Variants in VMP1 observed in about 807,000 individuals in gnomAD.
The protein encoded by VMP1 is vacuole membrane protein 1.
A neutral mutation model predicts 56.0 loss-of-function variants in VMP1; 11 were observed. The observed-to-expected ratio is 0.20, with a 90% CI of 0.12 to 0.32. The LOEUF (loss-of-function observed/expected upper bound fraction) is 0.32. Among genes scored for constraint, VMP1 ranks in the 10% least tolerant of loss-of-function variants. The pLI, the probability that VMP1 is intolerant of heterozygous loss-of-function variation, is 1.00. For missense variants in VMP1, 296 were observed against 490.3 expected (o/e 0.60, Z 3.74); for synonymous variants, 149 against 165.0 (o/e 0.90, Z 0.74).
At chr17:59,756,181 C>G (rs2035836604) in intron 5 of VMP1, among the ~76,000 whole-genome samples, 1 of 152,090 alleles carries the variant, frequency 6.6e-6, no homozygotes, top group Admixed American at 6.6e-5. Flanking sequence ...TAGACCATAA[C>G]CTTGTTTTCT....
intron 8 of VMP1, among the ~76,000 whole-genome samples, chr17:59,809,492 T>C (rs2037976164): frequency 5.1e-5 from 1 of 19,600 alleles, no homozygotes; most frequent in South Asian, 1.6e-3. Flanking sequence ...TAATTTTTTT[T>C]TTTTTTTTTT....
chr17:59,805,089 A>C (rs770265244), intron 7 of VMP1, among the ~76,000 whole-genome samples: 1 of 152,172 alleles, frequency 6.6e-6, no homozygotes, highest in Non-Finnish European at 1.5e-5. Flanking sequence ...TGTTTTCCTT[A>C]TAATACATGC....
Position 59,747,726 on chromosome 17 carries a change from T to TA in VMP1, c.414+8789dup, listed in dbSNP as rs916276758. Among the ~76,000 whole-genome samples the TA allele has an allele frequency of 2.3e-4, 34 of 149,194 alleles. 1 individual carries two copies. The highest frequency in any genetic ancestry group is 1.4e-3 in the East Asian group (7 of 5,046). On this transcript the variant is annotated intron_variant, in intron 5 of 11. Coordinates refer to ENST00000262291, the MANE Select transcript of VMP1 (RefSeq NM_030938.5). Reference sequence around the variant, plus strand: ...GTGCCTGGCCAAGACCCCATTTCTTTAAAAAAAAAATTATTTTAATTAGCT... The same window carrying TA: ...GTGCCTGGCCAAGACCCCATTTCTTTAAAAAAAAAAATTATTTTAATTAGCT...
intron 1 of VMP1, among the ~76,000 whole-genome samples, chr17:59,718,184 CTTT>C (rs971095445): frequency 7.6e-5 from 6 of 79,284 alleles, no homozygotes; most frequent in Non-Finnish European, 1.2e-4. Context: ...TCCCTCCCTC[CTTT>C]TTTTTTTTTT....
chr17:59,721,451 A>G (rs1037341360), intron 1 of VMP1, among the ~76,000 whole-genome samples: 3 of 152,226 alleles, frequency 2.0e-5, no homozygotes, highest in Admixed American at 1.3e-4. Flanking sequence ...TCAGCCACCA[A>G]GTTTTCCTTT....
chr17:59,794,942 T>C (rs541944731), intron 7 of VMP1, among the ~76,000 whole-genome samples: 3 of 152,032 alleles, frequency 2.0e-5, no homozygotes, highest in South Asian at 4.2e-4. Context: ...TTCTACCTTC[T>C]TGTGTTGAAG....
chr17:59,707,998 G>C (rs2033746689), intron 1 of VMP1: 1 of 152,206 alleles, frequency 6.6e-6, no homozygotes, highest in Non-Finnish European at 1.5e-5. Context: ...CGGGCTGTTC[G>C]TTCTCCTCTC....
At chr17:59,772,950 C>CT (rs1179269248) in intron 6 of VMP1, among the ~76,000 whole-genome samples, 14,086 of 55,656 alleles carry the variant, frequency 0.25, 5,030 homozygotes, top group Non-Finnish European at 0.33. Context: ...CTGGTGAATT[C>CT]TTTTTTTTTT....
At chr17:59,744,877 A>G (rs1280061797) in intron 5 of VMP1, among the ~76,000 whole-genome samples, 3 of 152,178 alleles carry the variant, frequency 2.0e-5, no homozygotes, top group Admixed American at 6.6e-5. Flanking sequence ...AAGAAAGAGC[A>G]TTTATAAAAT....
In VMP1 at chr17:59,753,104, C is replaced by T. The variant is rs768598146; in HGVS notation, c.415-11867C>T. 4.0e-4 allele frequency among the ~76,000 whole-genome samples: 61 copies of T among 151,916 alleles called. 1 individual carries two copies. The highest frequency in any genetic ancestry group is 1.6e-4 in the Non-Finnish European group (11 of 67,968). On this transcript the variant is annotated intron_variant, in intron 5 of 11. Transcript: ENST00000262291. ...CAGCCTGGGCAACCTAGTGGGACCC[C>T]GTCTCTACGAAAAAAATTTTTTAAT...
At chr17:59,821,360 A>G (rs1316490990) in intron 10 of VMP1, among the ~76,000 whole-genome samples, 1 of 152,148 alleles carries the variant, frequency 6.6e-6, no homozygotes, top group African/African-American at 2.4e-5. Flanking sequence ...TCTTAAAGAT[A>G]AGATGGTTTT....
chr17:59,820,347 T>G (rs1020506762), intron 10 of VMP1, among the ~76,000 whole-genome samples: 1 of 152,198 alleles, frequency 6.6e-6, no homozygotes, highest in Non-Finnish European at 1.5e-5. Flanking sequence ...TTACTTGTTA[T>G]GGGGAACTGT....
chr17:59,743,199 T>TA (rs2035293485), intron 5 of VMP1, among the ~76,000 whole-genome samples: 1 of 152,212 alleles, frequency 6.6e-6, no homozygotes, highest in South Asian at 2.1e-4. Flanking sequence ...ATACCTATAG[T>TA]ATCATACAGA....
At chr17:59,782,385 T>C (rs942146622) in intron 7 of VMP1, among the ~76,000 whole-genome samples, 2 of 152,240 alleles carry the variant, frequency 1.3e-5, no homozygotes, top group African/African-American at 4.8e-5. Flanking sequence ...TTTTGTCTTA[T>C]ATTTTGTTGT....
chr17:59,768,499 A>T (rs2036310383), intron 6 of VMP1, among the ~76,000 whole-genome samples: 2 of 152,054 alleles, frequency 1.3e-5, no homozygotes, highest in Admixed American at 1.3e-4. Context: ...GCTACTCGGG[A>T]TGCTGAGGCA....
At chr17:59,784,776 T>C (rs1452884216) in intron 7 of VMP1, 1 of 152,230 alleles carries the variant, frequency 6.6e-6, no homozygotes, top group Non-Finnish European at 1.5e-5. Context: ...TTTAACTGTA[T>C]TGCATCTTTG....
intron 4 of VMP1, among the ~76,000 whole-genome samples, chr17:59,738,597 T>C (rs1305729188): frequency 6.6e-6 from 1 of 152,208 alleles, no homozygotes; most frequent in Non-Finnish European, 1.5e-5. Context: ...ACTTTAAAAG[T>C]TTAGAAACAA....
intron 10 of VMP1, among the ~76,000 whole-genome samples, chr17:59,828,024 T>TAA (rs768590295): frequency 1.6e-5 from 2 of 125,704 alleles, no homozygotes; most frequent in Admixed American, 8.1e-5. Flanking sequence ...ACAACCTCTT[T>TAA]AAAAAAAAAA....
chr17:59,722,687 C>CA (rs930081391), intron 1 of VMP1, among the ~76,000 whole-genome samples: 1 of 151,990 alleles, frequency 6.6e-6, no homozygotes, highest in African/African-American at 2.4e-5. Context: ...CTAAAAAATA[C>CA]AAAAAAATTA....
Sources: allele counts gnomAD v4.1 joint callset (sites outside exome capture counted in the v4.1 genomes callset), GRCh38; gene constraint gnomAD v4.1.1; transcripts MANE v1.5; gene names NCBI Gene and HGNC (gene_info 2026-07-23, HGNC 2026-07-21).